Variants in ING3 observed in about 807,000 individuals in gnomAD.
ING3 encodes inhibitor of growth family member 3, also known as inhibitor of growth protein 3.
ING3 carries 6 observed loss-of-function variants against 64.8 expected under a neutral mutation model. The ratio of observed to expected loss-of-function variants is 0.09; its 90% CI spans 0.05 to 0.18. ING3 has a LOEUF of 0.18. Ranked by LOEUF, ING3 falls within the 10% of genes least tolerant of loss-of-function variation. ING3 has a pLI of 1.00. For synonymous variants in ING3, 170 were observed against 173.7 expected (o/e 0.98, Z 0.17); for missense variants, 310 against 489.7 (o/e 0.63, Z 3.46).
Position 120,973,138 on chromosome 7 carries a change from A to G in ING3, c.1102-67A>G, listed in dbSNP as rs1337942134. 7.2e-6 allele frequency: 6 copies of G among 829,990 alleles called. No homozygotes were observed. The East Asian group carries it at 9.9e-5, about 14-fold the overall frequency. 51.4% of individuals were successfully genotyped at this position (829,990 alleles called of 1,614,324 possible). A position where few individuals can be genotyped will look rare whatever the true frequency, so the allele number is the denominator to read the frequency against. ...TATTTTCCAGCAGTATCATACATAA[A>G]CAGTTAATTGGTATCTAGGTGTTTG... On this transcript the variant is annotated intron_variant, in intron 10 of 11. Coordinates refer to ENST00000315870, the MANE Select transcript of ING3 (RefSeq NM_019071.3).
intron 2 of ING3, among the ~76,000 whole-genome samples, chr7:120,952,925 C>CT (rs1795789032): frequency 6.6e-6 from 1 of 151,868 alleles, no homozygotes; most frequent in African/African-American, 2.4e-5. Flanking sequence ...ATCACTTTTT[C>CT]TTGTTAAAAG....
intron 4 of ING3, chr7:120,956,194 T>C (rs1795844484): frequency 6.2e-6 from 10 of 1,608,468 alleles, no homozygotes; most frequent in Non-Finnish European, 7.6e-6. Context: ...ACCAAGAAGA[T>C]AGATAGAATA....
rs970610215 is a variant in ING3, at chr7:120,964,891, G to T, written c.364+53G>T. On this transcript the variant is annotated intron_variant, in intron 5 of 11. Transcript: ENST00000315870. ...ATATTGGACAGTACATGTGCAAATC[G>T]CTGAGAAGACCTTGTCCCACAGAGG... 4 of 1,401,436 alleles carry T rather than the reference G, an allele frequency of 2.9e-6. No individual in the cohort carries two copies. The South Asian group carries it at 3.5e-5, about 12-fold the overall frequency. 86.8% of individuals were successfully genotyped at this position (1,401,436 alleles called of 1,614,324 possible).
chr7:120,951,514 A>G (rs1584985360), intron 2 of ING3, among the ~76,000 whole-genome samples: 1 of 152,250 alleles, frequency 6.6e-6, no homozygotes, highest in Non-Finnish European at 1.5e-5. Context: ...CGTCATTGAC[A>G]TAGTTATCTA....
intron 4 of ING3, among the ~76,000 whole-genome samples, chr7:120,963,239 A>G (rs1234526646): frequency 7.2e-5 from 11 of 152,196 alleles, no homozygotes; most frequent in Non-Finnish European, 1.3e-4. Context: ...GCAAGTATCC[A>G]TAATATGTGA....
chr7:120,956,223 G>T (rs1344249054), intron 4 of ING3: 2 of 1,597,306 alleles, frequency 1.3e-6, no homozygotes, highest in Non-Finnish European at 1.7e-6. Flanking sequence ...TTCTCATATT[G>T]ATGCAATTGT....
chr7:120,959,771 G>A (rs1206764390), intron 4 of ING3, among the ~76,000 whole-genome samples: 3 of 147,966 alleles, frequency 2.0e-5, no homozygotes, highest in Admixed American at 6.8e-5. Flanking sequence ...TCAGCCTCCC[G>A]AGTAGCTGGG....
Sources: allele counts gnomAD v4.1 joint callset (sites outside exome capture counted in the v4.1 genomes callset), GRCh38; gene constraint gnomAD v4.1.1; transcripts MANE v1.5; gene names NCBI Gene and HGNC (gene_info 2026-07-23, HGNC 2026-07-21).